DIP2C: variants seen among roughly 807,000 people sequenced by gnomAD.
The protein encoded by DIP2C is DIP2 acetate--CoA ligase C (putative), also known as disco-interacting protein 2 homolog C.
In DIP2C, 33 loss-of-function variants were observed where a neutral mutation model predicts 192.4. The observed-to-expected ratio is 0.17, with a 90% CI of 0.13 to 0.23. The LOEUF (loss-of-function observed/expected upper bound fraction) is 0.23. Among genes scored for constraint, DIP2C ranks in the 10% least tolerant of loss-of-function variants. The probability of loss-of-function intolerance (pLI) is 1.00; values close to 1 mark genes in which losing one functional copy is unlikely to be tolerated. For synonymous variants in DIP2C, 979 were observed against 864.1 expected, an observed-to-expected ratio of 1.13 and a Z score of -2.33; for missense variants, 1,537 against 2,110.1, an observed-to-expected ratio of 0.73 and a Z score of 5.32.
At chr10:470,386 T>C (rs1465022587) in intron 3 of DIP2C, among the ~76,000 whole-genome samples, 2 of 152,162 alleles carry the variant, frequency 1.3e-5, no homozygotes, top group Admixed American at 1.3e-4. Context: ...AGTGTCGGTC[T>C]CCTCCACCCA....
At chr10:527,426 T>C (rs951577655) in intron 1 of DIP2C, among the ~76,000 whole-genome samples, 1 of 152,230 alleles carries the variant, frequency 6.6e-6, no homozygotes, top group African/African-American at 2.4e-5. Flanking sequence ...TTTGTACTTA[T>C]GGTGTGATTT....
At chr10:330,939 G>GTAGCTGGGACTACAGATGCAC (rs1439024087) in intron 29 of DIP2C, among the ~76,000 whole-genome samples, 1 of 150,752 alleles carries the variant, frequency 6.6e-6, no homozygotes, top group African/African-American at 2.4e-5. Context: ...CAGTCCCTGA[G>GTAGCTGGGACTACAGATGCAC]TAGCTGGGAC....
At chr10:435,701 G>A (rs1049581848) in intron 4 of DIP2C, among the ~76,000 whole-genome samples, 2 of 152,194 alleles carry the variant, frequency 1.3e-5, no homozygotes, top group Non-Finnish European at 2.9e-5. Context: ...TGAGGAGGCA[G>A]TGACAATTCT....
intron 1 of DIP2C, among the ~76,000 whole-genome samples, chr10:622,086 T>C (rs895296179): frequency 6.6e-6 from 1 of 151,182 alleles, no homozygotes; most frequent in African/African-American, 2.4e-5. Context: ...CTCCAGCCTT[T>C]AGGACACATT....
intron 1 of DIP2C, among the ~76,000 whole-genome samples, chr10:644,464 A>G (rs940715000): frequency 1.3e-5 from 2 of 152,284 alleles, no homozygotes; most frequent in African/African-American, 4.8e-5. Flanking sequence ...AGACTTGCCC[A>G]CAGCTGCAGG....
At chr10:357,535 A>T (rs1200405321) in intron 23 of DIP2C, among the ~76,000 whole-genome samples, 1 of 152,214 alleles carries the variant, frequency 6.6e-6, no homozygotes, top group African/African-American at 2.4e-5. Flanking sequence ...ACATTTTCTG[A>T]AACTTTGTAT....
Position 334,677 on chromosome 10 carries a change from T to C in DIP2C, c.3585-5076A>G, listed in dbSNP as rs1456673301. The stretch of plus-strand genomic sequence containing the variant: ...TGTCCGAATTTCCCAGCATCTGTTG[T>C]TGGAAAAACTTTTCTTCATTGAATT... On this transcript the variant is annotated intron_variant, in intron 29 of 36. Coordinates refer to ENST00000280886, the MANE Select transcript of DIP2C (RefSeq NM_014974.3). Among the ~76,000 whole-genome samples, 13 of 152,346 alleles carry C rather than the reference T, an allele frequency of 8.5e-5. No individual in the cohort carries two copies. The East Asian group carries it at 2.5e-3, about 29-fold the overall frequency.
At chr10:578,892 A>C (rs1850366206) in intron 1 of DIP2C, among the ~76,000 whole-genome samples, 1 of 152,128 alleles carries the variant, frequency 6.6e-6, no homozygotes, top group Non-Finnish European at 1.5e-5. Flanking sequence ...CATAGAGCAT[A>C]CACACATCCA....
intron 1 of DIP2C, among the ~76,000 whole-genome samples, chr10:517,439 G>GC (rs1846433907): frequency 6.6e-6 from 1 of 152,116 alleles, no homozygotes; most frequent in African/African-American, 2.4e-5. Context: ...CCGACGCTCC[G>GC]CCCCACACTG....
chr10:366,397 C>A lies in DIP2C; in HGVS notation c.2146G>T (p.Val716Leu). 8 of 1,614,212 alleles carry A rather than the reference C, an allele frequency of 5.0e-6. No homozygotes were observed. Among genetic ancestry groups the A allele is most frequent in the Non-Finnish European group, 5.1e-6 (6 of 1,180,044 alleles). ...AGCTGAGGAACCCCGTCTGGCTTCA[C>A]TGAACACATGATGGCTAAAAGCAAA... ...LVMPGAIMCS[V>L]KPDGVPQLCR... Residue 716 changes from valine to leucine, a missense_variant, in exon 19 of 37, where the codon GTG (valine) becomes TTG (leucine). Physicochemically the swap from Val to Leu is conservative, Grantham distance 32 (BLOSUM62 1). Around this residue, in one of 4 missense-constraint regions of DIP2C, gnomAD observed 677 missense variants for 989.9 expected, o/e 0.68. Transcript: ENST00000280886.
chr10:520,745 G>A (rs938302372), intron 1 of DIP2C, among the ~76,000 whole-genome samples: 1 of 152,214 alleles, frequency 6.6e-6, no homozygotes, highest in Non-Finnish European at 1.5e-5. Context: ...CAAATAAGTT[G>A]GAAACCAAAA....
intron 30 of DIP2C, 102 bp downstream of exon 30, chr10:329,331 T>A: frequency 1.6e-6 from 2 of 1,273,452 alleles, no homozygotes; most frequent in Non-Finnish European, 1.0e-6. Context: ...CCAGGCTTTG[T>A]TTTGGAGGAC....
intron 6 of DIP2C, among the ~76,000 whole-genome samples, chr10:417,586 C>T (rs1965728696): frequency 6.6e-6 from 1 of 152,078 alleles, no homozygotes; most frequent in African/African-American, 2.4e-5. Flanking sequence ...GGCAGTGCGC[C>T]TGTTGGAGCT....
At chr10:311,490 G>T in intron 31 of DIP2C, 1 of 1,231,488 alleles carries the variant, frequency 8.1e-7, no homozygotes, top group South Asian at 4.1e-5. Context: ...CAAGGCAGCG[G>T]GGCTGGGCAG....
At chr10:577,330 C>G (rs940788678) in intron 1 of DIP2C, among the ~76,000 whole-genome samples, 4 of 152,168 alleles carry the variant, frequency 2.6e-5, no homozygotes, top group Non-Finnish European at 4.4e-5. Flanking sequence ...GAAGAAGTAT[C>G]GGTACTGTAA....
At chr10:530,520 T>C (rs548401375) in intron 1 of DIP2C, among the ~76,000 whole-genome samples, 1 of 151,952 alleles carries the variant, frequency 6.6e-6, no homozygotes, top group Non-Finnish European at 1.5e-5. Flanking sequence ...CTGCTGACTT[T>C]TAAAAACATG....
intron 1 of DIP2C, among the ~76,000 whole-genome samples, chr10:539,029 T>G (rs189916683): frequency 6.6e-6 from 1 of 152,180 alleles, no homozygotes; most frequent in East Asian, 1.9e-4. Flanking sequence ...CCATGAGTTT[T>G]GTGAATCTGT....
At chr10:448,606 G>T (rs1442414913) in intron 3 of DIP2C, among the ~76,000 whole-genome samples, 1 of 128,220 alleles carries the variant, frequency 7.8e-6, no homozygotes, top group African/African-American at 3.1e-5. Flanking sequence ...GGGCAAGCAG[G>T]ACCCACTCAC....
chr10:578,279 A>G (rs1395869094), intron 1 of DIP2C, among the ~76,000 whole-genome samples: 1 of 152,208 alleles, frequency 6.6e-6, no homozygotes, highest in Non-Finnish European at 1.5e-5. Context: ...ATTTTGCTAC[A>G]TCATGAAGAA....
Sources: allele counts gnomAD v4.1 joint callset (sites outside exome capture counted in the v4.1 genomes callset), GRCh38; gene constraint gnomAD v4.1.1; regional missense constraint gnomAD v4.1.1; transcripts MANE v1.5; gene names NCBI Gene and HGNC (gene_info 2026-07-23, HGNC 2026-07-21).